NTN1: variants seen among roughly 807,000 people sequenced by gnomAD.
NTN1 encodes the protein netrin-1.
Under a neutral mutation model 54.2 loss-of-function variants are expected in NTN1, and 11 were observed. The ratio of observed to expected loss-of-function variants is 0.20; its 90% CI spans 0.13 to 0.34. NTN1 has a LOEUF of 0.34. Among genes scored for constraint, NTN1 ranks in the 10% least tolerant of loss-of-function variants. The pLI, the probability that NTN1 is intolerant of heterozygous loss-of-function variation, is 1.00. For synonymous variants in NTN1, 371 were observed against 382.0 expected, an observed-to-expected ratio of 0.97 and a Z score of 0.33; for missense variants, 740 against 893.1, an observed-to-expected ratio of 0.83 and a Z score of 2.18.
chr17:9,209,743 G>A (rs60354398), intron 5 of NTN1, among the ~76,000 whole-genome samples: 20,093 of 152,224 alleles, frequency 0.13, 1,699 homozygotes, highest in African/African-American at 0.24. Flanking sequence ...TCAGTTTGCC[G>A]GTATAAAAAA....
At chr17:9,172,315 G>C (rs556361405) in intron 3 of NTN1, among the ~76,000 whole-genome samples, 1 of 151,814 alleles carries the variant, frequency 6.6e-6, no homozygotes, top group African/African-American at 2.4e-5. Context: ...GGGAAACATA[G>C]TGAAAATACA....
At chr17:9,112,867 C>T (rs1470597260) in intron 2 of NTN1, among the ~76,000 whole-genome samples, 1 of 150,634 alleles carries the variant, frequency 6.6e-6, no homozygotes, top group Non-Finnish European at 1.5e-5. Context: ...TTCCACAGTA[C>T]TAAAGTGCTG....
intron 5 of NTN1, among the ~76,000 whole-genome samples, chr17:9,184,065 C>T (rs950428649): frequency 6.6e-6 from 1 of 152,206 alleles, no homozygotes; most frequent in African/African-American, 2.4e-5. Context: ...GATGGGGGAG[C>T]TTGCAAACCC....
chr17:9,145,056 G>C (rs2092309606), intron 2 of NTN1, among the ~76,000 whole-genome samples: 1 of 152,242 alleles, frequency 6.6e-6, no homozygotes, highest in Admixed American at 6.5e-5. Flanking sequence ...CCCGAGGCTG[G>C]CCGGCTCCCC....
intron 2 of NTN1, among the ~76,000 whole-genome samples, chr17:9,154,195 A>C (rs1248288749): frequency 6.6e-6 from 1 of 152,230 alleles, no homozygotes; most frequent in African/African-American, 2.4e-5. Context: ...CCACAGCGGC[A>C]GCAGCATTAA....
At chr17:9,101,816 G>A (rs571667330) in intron 2 of NTN1, among the ~76,000 whole-genome samples, 1 of 152,090 alleles carries the variant, frequency 6.6e-6, no homozygotes, top group African/African-American at 2.4e-5. Flanking sequence ...GATAGAGGGA[G>A]ACCCCATCTC....
chr17:9,022,756 T>C lies in NTN1; in HGVS notation c.383T>C (p.Phe128Ser). 1 of 1,609,676 alleles carries C rather than the reference T, an allele frequency of 6.2e-7. No individual in the cohort carries two copies. The highest frequency in any genetic ancestry group is 8.5e-7 in the Non-Finnish European group (1 of 1,178,780). The change falls in exon 2 of 7, where the codon TTC (phenylalanine) becomes TCC (serine). Residue 128 changes from phenylalanine to serine, a missense_variant. Transcript: ENST00000173229. ...TGGCAGTCCGAGAACTACCTGCAGTTCCCGCACAACGTCACGCTCACACTG... is the reference window on the plus strand; with the variant it reads ...TGGCAGTCCGAGAACTACCTGCAGTCCCCGCACAACGTCACGCTCACACTG... ...TCWQSENYLQ[F>S]PHNVTLTLSL... is the part of the protein sequence containing the mutation.
intron 2 of NTN1, among the ~76,000 whole-genome samples, chr17:9,033,777 C>T (rs928001509): frequency 1.4e-4 from 22 of 151,934 alleles, no homozygotes; most frequent in Non-Finnish European, 2.6e-4. Context: ...ATTAGCCGGG[C>T]GTGGTGGCAC....
chr17:9,141,789 C>T (rs764208061), intron 2 of NTN1, among the ~76,000 whole-genome samples: 92 of 152,148 alleles, frequency 6.0e-4, no homozygotes, highest in Non-Finnish European at 1.8e-4. Flanking sequence ...GGGCTGGGCA[C>T]AGTGGCTCAT....
chr17:9,223,178 T>G (rs1201272671), intron 6 of NTN1, among the ~76,000 whole-genome samples: 1 of 152,140 alleles, frequency 6.6e-6, no homozygotes, highest in Admixed American at 6.5e-5. Context: ...AACCTAGATT[T>G]AGAAATGAAA....
intron 2 of NTN1, among the ~76,000 whole-genome samples, chr17:9,043,217 C>T (rs1005557856): frequency 6.6e-6 from 1 of 152,042 alleles, no homozygotes; most frequent in Non-Finnish European, 1.5e-5. Context: ...CATTTTTTCT[C>T]ACTCTCTCTT....
In NTN1 at chr17:9,194,580, G is replaced by C. The variant is rs565721885; in HGVS notation, c.1411+11611G>C. Reference sequence around the variant, plus strand: ...TGAGGTGGCAGCTGCCCTGTGCACTGTAGGATGTGAAGCAGCATCCCTGGC... The same window carrying C: ...TGAGGTGGCAGCTGCCCTGTGCACTCTAGGATGTGAAGCAGCATCCCTGGC... On this transcript the variant is annotated intron_variant, in intron 5 of 6. Coordinates refer to ENST00000173229, the MANE Select transcript of NTN1 (RefSeq NM_004822.3). Among the ~76,000 whole-genome samples, 10 of 152,350 alleles carry C rather than the reference G, an allele frequency of 6.6e-5. No individual in the cohort carries two copies. The East Asian group carries it at 1.9e-3, about 29-fold the overall frequency.
intron 2 of NTN1, among the ~76,000 whole-genome samples, chr17:9,131,978 ATT>A (rs35556647): frequency 0.031 from 4,112 of 133,808 alleles, 158 homozygotes; most frequent in African/African-American, 0.089. Context: ...AATTTTTTGT[ATT>A]TTTTTTTTTT....
intron 2 of NTN1, among the ~76,000 whole-genome samples, chr17:9,138,718 C>T: frequency 6.6e-6 from 1 of 152,136 alleles, no homozygotes; most frequent in South Asian, 2.1e-4. Flanking sequence ...GGCCAGGCAG[C>T]TGTGTTAGGT....
intron 5 of NTN1, among the ~76,000 whole-genome samples, chr17:9,200,869 A>G (rs1416743882): frequency 6.6e-6 from 1 of 152,198 alleles, no homozygotes; most frequent in Non-Finnish European, 1.5e-5. Flanking sequence ...CTAAATCCAC[A>G]CGTCAGCAGA....
intron 2 of NTN1, among the ~76,000 whole-genome samples, chr17:9,138,003 A>G (rs1054809837): frequency 3.3e-5 from 5 of 150,000 alleles, no homozygotes; most frequent in African/African-American, 1.3e-4. Context: ...GCAGTGGGCA[A>G]CCAGATGTGC....
chr17:9,019,044 A>G (rs1209496107), upstream of NTN1, among the ~76,000 whole-genome samples: 1 of 152,202 alleles, frequency 6.6e-6, no homozygotes, highest in East Asian at 1.9e-4. Context: ...TGTAATGAAC[A>G]TGGTCTCCTC....
chr17:9,202,111 C>G (rs568099933), intron 5 of NTN1, among the ~76,000 whole-genome samples: 64 of 141,916 alleles, frequency 4.5e-4, no homozygotes, highest in Middle Eastern at 4.2e-3. Context: ...TATGGTGGTA[C>G]GCACCTGTAG....
At chr17:9,223,547 ACT>A (rs1597546578) in intron 6 of NTN1, among the ~76,000 whole-genome samples, 1 of 135,176 alleles carries the variant, frequency 7.4e-6, no homozygotes, top group Non-Finnish European at 1.7e-5. Context: ...ACAGAGTGAG[ACT>A]CTGTCTCAAA....
Sources: allele counts gnomAD v4.1 joint callset (sites outside exome capture counted in the v4.1 genomes callset), GRCh38; gene constraint gnomAD v4.1.1; transcripts MANE v1.5; gene names NCBI Gene and HGNC (gene_info 2026-07-23, HGNC 2026-07-21).